The following AIM2 variants were observed in gnomAD, a reference collection of about 807,000 sequenced individuals.
AIM2 encodes interferon-inducible protein AIM2.
In AIM2, 30 loss-of-function variants were observed where a neutral mutation model predicts 27.7. That is an observed-to-expected ratio of 1.08 (90% CI 0.81 to 1.47). The LOEUF is 1.47. Among genes scored for constraint, AIM2 ranks in the 40% most tolerant of loss-of-function variants. AIM2 has a pLI of 0.00. For missense variants in AIM2, 358 were observed against 411.3 expected (o/e 0.87, Z 1.12); for synonymous variants, 141 against 145.3 (o/e 0.97, Z 0.21).
intron 1 of AIM2, among the ~76,000 whole-genome samples, chr1:159,104,143 G>A (rs1338512528): frequency 6.6e-6 from 1 of 152,104 alleles, no homozygotes; most frequent in African/African-American, 2.4e-5. Flanking sequence ...AATATTAGGG[G>A]CTAAATGTCA....
chr1:159,114,938 C>T (rs150771752), intron 1 of AIM2, among the ~76,000 whole-genome samples: 8,785 of 152,052 alleles, frequency 0.058, 805 homozygotes, highest in African/African-American at 0.2. Context: ...AAAACCCCAT[C>T]GTCTCAGCCC....
chr1:159,145,165 T>A (rs1287244229), upstream of AIM2, among the ~76,000 whole-genome samples: 1 of 152,138 alleles, frequency 6.6e-6, no homozygotes, highest in African/African-American at 2.4e-5. Context: ...TGCTTTGCAA[T>A]GTCAGGCCTA....
At chr1:159,095,950 G>T (rs939567814) in intron 1 of AIM2, among the ~76,000 whole-genome samples, 8 of 151,984 alleles carry the variant, frequency 5.3e-5, no homozygotes, top group African/African-American at 1.9e-4. Context: ...ATTAGACTAG[G>T]GTCTCATATA....
intron 1 of AIM2, among the ~76,000 whole-genome samples, chr1:159,107,893 G>A (rs560548178): frequency 3.6e-4 from 55 of 152,206 alleles, no homozygotes; most frequent in Non-Finnish European, 6.3e-4. Context: ...AAGAAGCAGC[G>A]AGATTGAAAT....
At chr1:159,076,352 C>T (rs1316260041) in intron 1 of AIM2, among the ~76,000 whole-genome samples, 2 of 152,128 alleles carry the variant, frequency 1.3e-5, no homozygotes, top group Non-Finnish European at 2.9e-5. Flanking sequence ...TTAAAAAATG[C>T]TTGTATTTGC....
At chr1:159,111,471 T>C (rs759521109) in intron 1 of AIM2, among the ~76,000 whole-genome samples, 16 of 152,046 alleles carry the variant, frequency 1.1e-4, no homozygotes, top group Non-Finnish European at 1.6e-4. Flanking sequence ...TCACCTCAAT[T>C]AAAAAGAGAG....
chr1:159,124,687 T>C lies in AIM2; in HGVS notation c.-16+15744A>G, dbSNP rs114554413. On this transcript the variant is annotated intron_variant, in intron 1 of 2. Coordinates refer to the AIM2 transcript ENST00000368129. Reference sequence around the variant, plus strand: ...TTTTCTGTTTTGAGAGTAACGTATTTTTGTTTACAGAGAACAACCCCTCAG... The same window carrying C: ...TTTTCTGTTTTGAGAGTAACGTATTCTTGTTTACAGAGAACAACCCCTCAG... Among the ~76,000 whole-genome samples the C allele has an allele frequency of 2.9e-3, 448 of 152,296 alleles. 2 individuals are homozygous for C. The highest frequency in any genetic ancestry group is 0.02 in the Middle Eastern group (6 of 294).
rs1375142607 is a variant in AIM2 at position 159,073,212 on chromosome 1, G to A, written c.262+26C>T. ...CCCAGGCTTGGCAGAAAAAGGGACG[G>A]GGCAGGTGTGGAACTCCCACATTAC... On this transcript the variant is annotated intron_variant, in intron 2 of 5. Coordinates refer to ENST00000368130, the MANE Select transcript of AIM2 (RefSeq NM_004833.3). The A allele has an allele frequency of 5.6e-6, 9 of 1,612,606 alleles. No individual in the cohort carries two copies. The South Asian group carries it at 6.6e-5, about 12-fold the overall frequency.
chr1:159,103,575 C>T (rs1657360326), intron 1 of AIM2, among the ~76,000 whole-genome samples: 1 of 152,120 alleles, frequency 6.6e-6, no homozygotes, highest in African/African-American at 2.4e-5. Context: ...TTTCATAGTC[C>T]TCAACCCATT....
At chr1:159,096,851 G>A (rs1441097611) in intron 1 of AIM2, among the ~76,000 whole-genome samples, 2 of 152,028 alleles carry the variant, frequency 1.3e-5, no homozygotes, top group South Asian at 2.1e-4. Context: ...TGGGGGGAAT[G>A]GGGGGTATAC....
At chr1:159,144,403 T>C (rs762783348), upstream of AIM2, among the ~76,000 whole-genome samples, 1 of 152,174 alleles carries the variant, frequency 6.6e-6, no homozygotes, top group Non-Finnish European at 1.5e-5. Flanking sequence ...TTATCATCCA[T>C]AAAACAGACA....
chr1:159,114,390 T>A (rs572392979), intron 1 of AIM2, among the ~76,000 whole-genome samples: 1 of 152,290 alleles, frequency 6.6e-6, no homozygotes, highest in East Asian at 1.9e-4. Context: ...AAGTGACCAG[T>A]CCTGCTTGGA....
intron 1 of AIM2, among the ~76,000 whole-genome samples, chr1:159,088,728 C>T (rs1656978863): frequency 6.6e-6 from 1 of 151,988 alleles, no homozygotes; most frequent in South Asian, 2.1e-4. Context: ...GGGCTTGTGG[C>T]TTTAAAAGAA....
chr1:159,119,092 A>G (rs1418722417), intron 1 of AIM2, among the ~76,000 whole-genome samples: 1 of 152,108 alleles, frequency 6.6e-6, no homozygotes, highest in Admixed American at 6.5e-5. Flanking sequence ...CTCCTCTTTT[A>G]CTGGATGGTA....
chr1:159,089,055 A>C (rs1444004661), intron 1 of AIM2, among the ~76,000 whole-genome samples: 2 of 152,190 alleles, frequency 1.3e-5, no homozygotes, highest in Non-Finnish European at 2.9e-5. Flanking sequence ...TCCCTCCTTC[A>C]TACTTTATTC....
chr1:159,146,118 A>G (rs1648197606), intron 1 of AIM2, among the ~76,000 whole-genome samples: 1 of 152,086 alleles, frequency 6.6e-6, no homozygotes, highest in Non-Finnish European at 1.5e-5. Context: ...AAAAAAAAAA[A>G]AAAAGAATTC....
chr1:159,133,261 A>C (rs995544719), intron 1 of AIM2, among the ~76,000 whole-genome samples: 1 of 152,200 alleles, frequency 6.6e-6, no homozygotes, highest in Admixed American at 6.5e-5. Flanking sequence ...CACTAAAAAA[A>C]CAATTAAGAT....
intron 1 of AIM2, among the ~76,000 whole-genome samples, chr1:159,092,351 T>C (rs1372105636): frequency 1.3e-5 from 2 of 152,314 alleles, no homozygotes; most frequent in African/African-American, 2.4e-5. Flanking sequence ...GAGTTTGTAA[T>C]AGCAGATAAC....
At chr1:159,071,711 T>C (rs985685874) in intron 2 of AIM2, among the ~76,000 whole-genome samples, 1 of 152,240 alleles carries the variant, frequency 6.6e-6, no homozygotes, top group Admixed American at 6.5e-5. Flanking sequence ...AGTTTCACTA[T>C]GTTGGCCAGG....
Sources: allele counts gnomAD v4.1 joint callset (sites outside exome capture counted in the v4.1 genomes callset), GRCh38; gene constraint gnomAD v4.1.1; transcripts MANE v1.5; gene names NCBI Gene and HGNC (gene_info 2026-07-23, HGNC 2026-07-21).